Variants in PTPRN2 observed in about 807,000 individuals in gnomAD.
The protein encoded by PTPRN2 is receptor-type tyrosine-protein phosphatase N2.
In PTPRN2, 74 loss-of-function variants were observed where a neutral mutation model predicts 118.8. The observed-to-expected ratio is 0.62, with a 90% confidence interval of 0.52 to 0.76. The LOEUF (loss-of-function observed/expected upper bound fraction) is 0.76. Among genes scored for constraint, PTPRN2 ranks in the 30% least tolerant of loss-of-function variants. PTPRN2 has a pLI of 0.00. For missense variants in PTPRN2, 1,481 were observed against 1,394.4 expected (o/e 1.06, Z -0.99); for synonymous variants, 641 against 608.0 (o/e 1.05, Z -0.80).
intron 2 of PTPRN2, among the ~76,000 whole-genome samples, chr7:158,435,044 A>G (rs1345761864): frequency 1.3e-5 from 2 of 152,224 alleles, no homozygotes; most frequent in Non-Finnish European, 2.9e-5. Flanking sequence ...CATTGGTCTT[A>G]GCAATTATTT....
chr7:157,771,802 CAAACACACAGACACAGACACAG>C (rs1802835222), intron 12 of PTPRN2, among the ~76,000 whole-genome samples: 1 of 149,252 alleles, frequency 6.7e-6, no homozygotes, highest in Non-Finnish European at 1.5e-5. Context: ...GACACAGACA[CAAACACACAGACACAGACACAG>C]AAACACACAG....
intron 12 of PTPRN2, among the ~76,000 whole-genome samples, chr7:157,741,560 T>C (rs79678758): frequency 0.02 from 2,981 of 152,330 alleles, 64 homozygotes; most frequent in Non-Finnish European, 0.021. Context: ...GGAGACGCTC[T>C]CTTCCTCACC....
chr7:157,753,563 C>G (rs1233741133), intron 12 of PTPRN2, among the ~76,000 whole-genome samples: 3 of 152,206 alleles, frequency 2.0e-5, no homozygotes, highest in Non-Finnish European at 4.4e-5. Context: ...GTGACCCTTC[C>G]TCCAACACCC....
chr7:157,712,095 T>G (rs1798671258), intron 12 of PTPRN2, among the ~76,000 whole-genome samples: 1 of 7,126 alleles, frequency 1.4e-4, no homozygotes, highest in Non-Finnish European at 2.8e-4. Flanking sequence ...GCACCATGAG[T>G]GGGGGGAGGG....
At chr7:158,441,825 T>C (rs1228466549) in intron 2 of PTPRN2, among the ~76,000 whole-genome samples, 9 of 142,690 alleles carry the variant, frequency 6.3e-5, no homozygotes, top group East Asian at 2.1e-4. Flanking sequence ...ATGGTGATAG[T>C]GATGGTCATG....
intron 11 of PTPRN2, among the ~76,000 whole-genome samples, chr7:157,905,510 TGAA>T (rs1173213155): frequency 1.3e-5 from 2 of 152,188 alleles, no homozygotes; most frequent in Admixed American, 6.5e-5. Context: ...ATTCACTAGA[TGAA>T]GGATATGCAA....
intron 2 of PTPRN2, among the ~76,000 whole-genome samples, chr7:158,387,749 G>A (rs1198796637): frequency 1.3e-5 from 2 of 152,166 alleles, no homozygotes; most frequent in Non-Finnish European, 2.9e-5. Flanking sequence ...TCCTGAAGGA[G>A]ATGGAATCCT....
rs568537746 is a variant in PTPRN2 at position 158,149,689 on chromosome 7, A to T, written c.911-11174T>A. Among the ~76,000 whole-genome samples the T allele has an allele frequency of 1.1e-4, 17 of 152,238 alleles. No homozygotes were observed. The South Asian group carries it at 3.3e-3, about 30-fold the overall frequency. The stretch of plus-strand genomic sequence containing the variant: ...CGTGGTGGCGCATGCCTGTAGTCCC[A>T]GCTACTCAGGAGGCTAAGGCAGGAG... On this transcript the variant is annotated intron_variant, in intron 6 of 22. Transcript: ENST00000389418.
chr7:157,649,459 TAGC>T (rs1805463121), intron 14 of PTPRN2, among the ~76,000 whole-genome samples: 1 of 48,080 alleles, frequency 2.1e-5, no homozygotes, highest in African/African-American at 8.8e-5. Context: ...CAGACCCATC[TAGC>T]GTGCACTGAA....
Position 157,784,826 on chromosome 7 carries a change from C to T in PTPRN2, c.1789-101889G>A, listed in dbSNP as rs975486031. Among the ~76,000 whole-genome samples the T allele has an allele frequency of 5.3e-5, 8 of 152,198 alleles. No individual in the cohort carries two copies. Among genetic ancestry groups the T allele is most frequent in the South Asian group, 2.1e-4 (1 of 4,802 alleles). ...AAGGAAATGAACCCATCGTGTGGGG[C>T]GACATAGGGGCCCAGGGGGCCTGGA... On this transcript the variant is annotated intron_variant, in intron 12 of 22. Coordinates refer to ENST00000389418, the MANE Select transcript of PTPRN2 (RefSeq NM_002847.5). This position sits in a 1 kb window ranked among gnomAD's most constrained non-coding sequence, Gnocchi z 4.6.
At chr7:158,538,484 C>G (rs113262842) in intron 1 of PTPRN2, among the ~76,000 whole-genome samples, 1,994 of 152,260 alleles carry the variant, frequency 0.013, 46 homozygotes, top group African/African-American at 0.045. Context: ...AAGGAAAAAG[C>G]GCAGCCTCCG....
chr7:157,588,763 G>A (rs1158793567), intron 17 of PTPRN2, among the ~76,000 whole-genome samples: 2 of 152,138 alleles, frequency 1.3e-5, no homozygotes, highest in East Asian at 1.9e-4. Context: ...ACGTCTTCAT[G>A]TCACTGTGCC....
intron 3 of PTPRN2, among the ~76,000 whole-genome samples, chr7:158,232,703 A>C (rs1829244697): frequency 6.6e-6 from 1 of 152,216 alleles, no homozygotes; most frequent in South Asian, 2.1e-4. Context: ...AACTGAATTC[A>C]AGAACACATT....
intron 5 of PTPRN2, among the ~76,000 whole-genome samples, chr7:158,180,401 G>A (rs778835303): frequency 4.4e-4 from 67 of 152,206 alleles, no homozygotes; most frequent in Non-Finnish European, 7.9e-4. Flanking sequence ...TTTGGAGTCA[G>A]GTAATGTGAT....
intron 3 of PTPRN2, among the ~76,000 whole-genome samples, chr7:158,242,758 T>A (rs1795972278): frequency 6.6e-6 from 1 of 152,166 alleles, no homozygotes; most frequent in Non-Finnish European, 1.5e-5. Context: ...TCTTGGTAGG[T>A]TGTATGTGTC....
Position 158,151,601 on chromosome 7 carries a change from C to T in PTPRN2, c.911-13086G>A, listed in dbSNP as rs1261317644. Among the ~76,000 whole-genome samples the T allele has an allele frequency of 4.6e-5, 7 of 152,246 alleles. No individual in the cohort carries two copies. The South Asian group carries it at 8.3e-4, about 18-fold the overall frequency. ...GTGGTGGTGGGTGGTATGAGCCACG[C>T]CCTCCCCTTCAGGGACAGATGAGAG... is the stretch of plus-strand genomic sequence containing the variant. On this transcript the variant is annotated intron_variant, in intron 6 of 22. Transcript: ENST00000389418.
intron 11 of PTPRN2, among the ~76,000 whole-genome samples, chr7:158,070,475 G>A (rs1334776068): frequency 1.8e-4 from 26 of 142,672 alleles, no homozygotes; most frequent in Middle Eastern, 3.9e-3. Flanking sequence ...CGTGGTGGTG[G>A]AGGTGCTCCT....
At position 158,171,129 on chromosome 7, in the gene PTPRN2, C is replaced by CAT. The variant is rs1287746100; in HGVS notation, c.550-3840_550-3839dup. ...ACATATATATACACACATATATACA[C>CAT]ATATATACACACATATATATACACA... On this transcript the variant is annotated intron_variant, in intron 5 of 22. Coordinates refer to ENST00000389418, the MANE Select transcript of PTPRN2 (RefSeq NM_002847.5). Among the ~76,000 whole-genome samples the CAT allele has an allele frequency of 1.6e-3, 147 of 92,904 alleles. 14 individuals carry two copies. The highest frequency in any genetic ancestry group is 6.7e-3 in the Middle Eastern group (1 of 150). The allele number at this position is 92,904 out of a possible 152,430, so 60.9% of individuals were successfully genotyped here. A position where few individuals can be genotyped will look rare whatever the true frequency, so the allele number is the denominator to read the frequency against.
At chr7:158,011,580 G>A (rs1806053226) in intron 11 of PTPRN2, among the ~76,000 whole-genome samples, 1 of 152,156 alleles carries the variant, frequency 6.6e-6, no homozygotes, top group Non-Finnish European at 1.5e-5. Flanking sequence ...AGGTTCTTAA[G>A]GAGCTATAAG....
Sources: gnomAD v4.1 joint callset for allele counts (sites outside exome capture counted in the v4.1 genomes callset) on GRCh38, gnomAD v4.1.1 for gene constraint, Gnocchi (gnomAD v3.1) non-coding constraint, MANE v1.5 for transcripts, NCBI Gene and HGNC (gene_info 2026-07-23, HGNC 2026-07-21) for gene names.